Variants in SLAMF8 observed in about 807,000 individuals in gnomAD.
SLAMF8 encodes the protein B lymphocyte activator macrophage expressed.
In SLAMF8, 23 loss-of-function variants were observed where a neutral mutation model predicts 29.0. The observed-to-expected ratio is 0.79, with a 90% confidence interval of 0.57 to 1.13. SLAMF8 has a LOEUF of 1.13. Ranked by LOEUF, SLAMF8 falls within the 50% of genes most tolerant of loss-of-function variation. SLAMF8 has a pLI of 0.00. For synonymous variants in SLAMF8, 139 were observed against 145.6 expected, an observed-to-expected ratio of 0.96 and a Z score of 0.32; for missense variants, 381 against 353.1, an observed-to-expected ratio of 1.08 and a Z score of -0.63.
chr1:159,834,655 C>G (rs1392722050), intron 4 of SLAMF8: 1 of 152,386 alleles, frequency 6.6e-6, no homozygotes, highest in African/African-American at 2.4e-5. Context: ...GCCATCACCT[C>G]CCAAATCCCC....
rs1255248185 is a variant in SLAMF8, at chr1:159,835,084, T to A, written c.782-100T>A. The A allele has an allele frequency of 7.3e-6, 8 of 1,102,766 alleles. No individual in the cohort carries two copies. In the East Asian group the frequency reaches 1.7e-4, roughly 23 times the overall value. 68.3% of individuals were successfully genotyped at this position (1,102,766 alleles called of 1,614,324 possible). On this transcript the variant is annotated intron_variant, in intron 4 of 4. Coordinates refer to ENST00000289707, the MANE Select transcript of SLAMF8 (RefSeq NM_020125.3). ...AAATGTTCCTTTACCTAAGGTGACC[T>A]TGGGCTAACACACTGAGGATTCAGA... is the stretch of plus-strand genomic sequence containing the variant.
chr1:159,831,561 T>C (rs963893678), intron 2 of SLAMF8, among the ~76,000 whole-genome samples: 1 of 151,844 alleles, frequency 6.6e-6, no homozygotes, highest in African/African-American at 2.4e-5. Context: ...CTGATCTGAG[T>C]CTCAGCTGCC....
chr1:159,835,338 C>T lies in SLAMF8; in HGVS notation c.*78C>T, dbSNP rs1434437448. On this transcript the variant is annotated 3_prime_UTR_variant, in exon 5 of 5. Coordinates refer to ENST00000289707, the MANE Select transcript of SLAMF8 (RefSeq NM_020125.3). ...ACGATGCTCTGGGACATAACTGGTG[C>T]CTGGAAATCACCATGGTCCTCATAT... is the stretch of plus-strand genomic sequence containing the variant. The T allele has an allele frequency of 6.5e-7, 1 of 1,537,548 alleles. No homozygotes were observed. Among genetic ancestry groups the T allele is most frequent in the African/African-American group, 1.4e-5 (1 of 72,016 alleles).
Position 159,826,936 on chromosome 1 carries a change from A to G in SLAMF8, c.38A>G (p.Glu13Gly). 2.5e-6 allele frequency: 4 copies of G among 1,613,916 alleles called. No individual in the cohort carries two copies. The highest frequency in any genetic ancestry group is 2.5e-6 in the Non-Finnish European group (3 of 1,179,998). The stretch of plus-strand genomic sequence containing the variant: ...CCCCTGTGGAGTCTGCTTCTCTGGG[A>G]AGGTAAGTGGGGCAGGCAGATAGCC... ...MRPLWSLLLW[E>G]ALLPITVTGA... Residue 13 changes from glutamate (E) to glycine (G), a missense_variant and splice_region_variant, in exon 1 of 5, where the codon GAA becomes GGA. Physicochemically the swap from Glu to Gly is moderately conservative, Grantham distance 98. Coordinates refer to ENST00000289707, the MANE Select transcript of SLAMF8 (RefSeq NM_020125.3).
Position 159,833,037 on chromosome 1 carries a change from C to T in SLAMF8, c.529C>T (p.His177Tyr), listed in dbSNP as rs778869440. 6.2e-7 allele frequency: 1 copy of T among 1,614,248 alleles called. No individual in the cohort carries two copies. The highest frequency in any genetic ancestry group is 1.7e-5 in the Admixed American group (1 of 60,028). Residue 177 changes from histidine to tyrosine, a missense_variant, in exon 3 of 5, where the codon CAC becomes TAC. By Grantham distance (83) the His-to-Tyr change is moderately conservative (BLOSUM62 2). Transcript: ENST00000289707. ...ETTMDFGMEP[H>Y]SLFTDGQVLS... ...AACCATGGACTTTGGTATGGAACCA[C>T]ACAGCCTCTTCACAGACGGACAGGT...
intron 1 of SLAMF8, among the ~76,000 whole-genome samples, chr1:159,828,534 T>C (rs1483628478): frequency 1.3e-5 from 2 of 152,284 alleles, no homozygotes; most frequent in South Asian, 4.1e-4. Context: ...ATAGGGTCAG[T>C]CCTCAGCAGG....
In SLAMF8 at chr1:159,832,807, C is replaced by T; in HGVS notation, c.368-69C>T. ...GGTGGCATCTAACCCTGGGTAGATC[C>T]CAGAGCCAGAGATGTGGGCCCTGCC... On this transcript the variant is annotated intron_variant, in intron 2 of 4. Coordinates refer to ENST00000289707, the MANE Select transcript of SLAMF8 (RefSeq NM_020125.3). The T allele has an allele frequency of 3.2e-6, 5 of 1,548,666 alleles. No homozygotes were observed. In the South Asian group the frequency reaches 4.9e-5, roughly 15 times the overall value.
intron 4 of SLAMF8, among the ~76,000 whole-genome samples, 163 bp downstream of exon 4, chr1:159,833,532 G>T (rs1647660107): frequency 6.6e-6 from 1 of 152,156 alleles, no homozygotes; most frequent in South Asian, 2.1e-4. Flanking sequence ...TTTACAACCA[G>T]ACTCAACTAC....
chr1:159,829,569 C>T (rs1247406853), intron 1 of SLAMF8, among the ~76,000 whole-genome samples: 3 of 152,218 alleles, frequency 2.0e-5, no homozygotes, highest in Non-Finnish European at 4.4e-5. Flanking sequence ...GGTGAGATCC[C>T]CTGTCACCCT....
intron 1 of SLAMF8, among the ~76,000 whole-genome samples, chr1:159,828,158 T>G (rs1368245341): frequency 1.3e-5 from 2 of 152,198 alleles, no homozygotes; most frequent in Non-Finnish European, 2.9e-5. Context: ...CAAATGGCCC[T>G]TAATGATCAA....
chr1:159,836,121 G>C lies in SLAMF8; in HGVS notation c.*861G>C. 1.0e-6 allele frequency: 1 copy of C among 985,486 alleles called. No individual in the cohort carries two copies. 61.0% of individuals were successfully genotyped at this position (985,486 alleles called of 1,614,324 possible). ...ACGTTCTTGCACAACTTCAAGAAAA[G>C]CAGCTCAGCTCAGGATGAGTCTTCC... On this transcript the variant is annotated 3_prime_UTR_variant, in exon 5 of 5. Transcript: ENST00000289707.
At position 159,833,212 on chromosome 1, in the gene SLAMF8, G is replaced by A. The variant is rs10157127; in HGVS notation, c.673+31G>A. Reference sequence around the variant, plus strand: ...CTAAGGGCCAGCAGTCAGTGGTTGAGGGCTTATGAAGCATCAAGTCCACCT... The same window carrying A: ...CTAAGGGCCAGCAGTCAGTGGTTGAAGGCTTATGAAGCATCAAGTCCACCT... On this transcript the variant is annotated intron_variant, in intron 3 of 4. Transcript: ENST00000289707. The A allele has an allele frequency of 0.011, 17,541 of 1,614,022 alleles. 1,480 individuals carry two copies. The African/African-American group carries it at 0.19, about 18-fold the overall frequency.
chr1:159,830,761 T>A (rs1270359023), intron 2 of SLAMF8, among the ~76,000 whole-genome samples: 2 of 152,226 alleles, frequency 1.3e-5, no homozygotes, highest in Non-Finnish European at 2.9e-5. Flanking sequence ...ATTAAAAGTA[T>A]AGAATTTACA....
At chr1:159,834,098 C>A (rs909050510) in intron 4 of SLAMF8, among the ~76,000 whole-genome samples, 1 of 152,240 alleles carries the variant, frequency 6.6e-6, no homozygotes. Context: ...TCAGTCCCTT[C>A]CTCTGCCGCA....
rs1258783808 is a variant in SLAMF8 at position 159,837,035 on chromosome 1, G to A, written c.*1775G>A. On this transcript the variant is annotated 3_prime_UTR_variant, in exon 5 of 5. Coordinates refer to ENST00000289707, the MANE Select transcript of SLAMF8 (RefSeq NM_020125.3). ...TCTGACAATGAGCCCTGGTGGATTT[G>A]TGGGGAAAAAATACACAGCACTCCC... is the stretch of plus-strand genomic sequence containing the variant. 1.1e-5 allele frequency: 11 copies of A among 985,304 alleles called. No individual in the cohort carries two copies. The highest frequency in any genetic ancestry group is 1.3e-5 in the Non-Finnish European group (11 of 829,942). The allele number at this position is 985,304 out of a possible 1,614,324, so 61.0% of individuals were successfully genotyped here.
intron 2 of SLAMF8, among the ~76,000 whole-genome samples, chr1:159,830,521 C>A (rs1231274890): frequency 6.6e-6 from 1 of 152,164 alleles, no homozygotes; most frequent in African/African-American, 2.4e-5. Context: ...ATGTAGAGTA[C>A]CCACAGGATG....
chr1:159,835,298 C>A lies in SLAMF8; in HGVS notation c.*38C>A, dbSNP rs1391669181. ...ACTGATGCCTGGACTATCAGTAACC[C>A]CACTGCACAGGCACACGATGCTCTG... On this transcript the variant is annotated 3_prime_UTR_variant, in exon 5 of 5. Transcript: ENST00000289707. The A allele has an allele frequency of 1.2e-6, 2 of 1,603,482 alleles. No homozygotes were observed. Among genetic ancestry groups the A allele is most frequent in the African/African-American group, 2.7e-5 (2 of 74,476 alleles).
rs1647986997 is a variant in SLAMF8 at position 159,836,939 on chromosome 1, C to T, written c.*1679C>T. 1.0e-6 allele frequency: 1 copy of T among 985,542 alleles called. No individual in the cohort carries two copies. Among genetic ancestry groups the T allele is most frequent in the South Asian group, 4.7e-5 (1 of 21,290 alleles). 61.0% of individuals were successfully genotyped at this position (985,542 alleles called of 1,614,324 possible). The stretch of plus-strand genomic sequence containing the variant: ...CCACCTGCCACCTACAGTCAGGCCA[C>T]ATGCCTGGTCACTGAATCATGCAAA... On this transcript the variant is annotated 3_prime_UTR_variant, in exon 5 of 5. Transcript: ENST00000289707.
chr1:159,835,053 C>T (rs529946528), intron 4 of SLAMF8, 131 bp from the exon 5 acceptor site: 83 of 769,454 alleles, frequency 1.1e-4, no homozygotes, highest in Non-Finnish European at 1.8e-4. Flanking sequence ...GTTGGAAGAC[C>T]AGGAGAAATG....
Sources: gnomAD v4.1 joint callset for allele counts (sites outside exome capture counted in the v4.1 genomes callset) on GRCh38, gnomAD v4.1.1 for gene constraint, MANE v1.5 for transcripts, NCBI Gene and HGNC (gene_info 2026-07-23, HGNC 2026-07-21) for gene names.